TLE2: variants seen among roughly 807,000 people sequenced by gnomAD.
TLE2 encodes the protein transducin-like enhancer protein 2.
A neutral mutation model predicts 97.2 loss-of-function variants in TLE2; 74 were observed. That is an observed-to-expected ratio of 0.76 (90% CI 0.63 to 0.92). The LOEUF is 0.92. Among genes scored for constraint, TLE2 ranks in the 40% least tolerant of loss-of-function variants. TLE2 has a pLI of 0.00. For missense variants in TLE2, 1,038 were observed against 1,008.7 expected, an observed-to-expected ratio of 1.03 and a Z score of -0.39; for synonymous variants, 499 against 432.1, an observed-to-expected ratio of 1.15 and a Z score of -1.92.
At chr19:3,042,108 T>TG (rs919773929) in intron 1 of TLE2, among the ~76,000 whole-genome samples, 11 of 114,046 alleles carry the variant, frequency 9.6e-5, no homozygotes, top group African/African-American at 3.9e-4. Context: ...GCAGGGAGCG[T>TG]GGGGACCGCC....
At position 3,015,692 on chromosome 19, in the gene TLE2, C is replaced by T. The variant is rs1240481094; in HGVS notation, c.639G>A (p.Gly213=). 1 of 1,611,548 alleles carries T rather than the reference C, an allele frequency of 6.2e-7. No individual in the cohort carries two copies. The highest frequency in any genetic ancestry group is 2.2e-5 in the East Asian group (1 of 44,800). ...GCTCCTTCTCATCTGCTCTCTGCTT[C>T]CCGCCACCACCAGGGCCACTCGGTC... The part of the protein sequence containing the change: ...EERPSGPGGG[G]KQRADEKEPS... Residue 213 remains glycine (G), a synonymous_variant, in exon 9 of 20, where the codon GGG becomes GGA. Coordinates refer to ENST00000262953, the MANE Select transcript of TLE2 (RefSeq NM_003260.5).
At chr19:3,028,629 C>G in intron 2 of TLE2, 77 bp downstream of exon 2, 1 of 1,536,362 alleles carries the variant, frequency 6.5e-7, no homozygotes, top group East Asian at 2.3e-5. Flanking sequence ...CCCTCCTCCC[C>G]GCCCTATACC....
intron 1 of TLE2, among the ~76,000 whole-genome samples, chr19:3,036,393 C>G (rs1004736467): frequency 1.7e-4 from 26 of 152,240 alleles, no homozygotes; most frequent in African/African-American, 6.3e-4. Flanking sequence ...CCTGCCGGCT[C>G]CCGGCCCGGC....
intron 1 of TLE2, among the ~76,000 whole-genome samples, chr19:3,036,905 G>A (rs2090067169): frequency 6.6e-6 from 1 of 152,194 alleles, no homozygotes; most frequent in African/African-American, 2.4e-5. Context: ...CAGAGCTGGG[G>A]GTGGGAGTGG....
upstream of TLE2, among the ~76,000 whole-genome samples, chr19:3,033,365 C>T (rs568880745): frequency 4.6e-5 from 7 of 152,254 alleles, no homozygotes; most frequent in Admixed American, 3.9e-4. Context: ...GACAGGGTTT[C>T]ACCATGTTAG....
chr19:3,021,110 A>G (rs2089830283), intron 5 of TLE2, among the ~76,000 whole-genome samples: 2 of 121,028 alleles, frequency 1.7e-5, no homozygotes, highest in African/African-American at 6.1e-5. Context: ...AAAAAAAAAA[A>G]AAAAGGGGGG....
Position 3,015,929 on chromosome 19 carries a change from GTTCTCTC to G in TLE2, c.571-176_571-170del, listed in dbSNP as rs747316161. The stretch of plus-strand genomic sequence containing the variant: ...ACGGCTGACTCAGTGCTAAGGTTTT[GTTCTCTC>G]TTCTGTTTTGTTTTGTTTTTGACGG... On this transcript the variant is annotated intron_variant, in intron 8 of 19. Transcript: ENST00000262953. The G allele has an allele frequency of 1.0e-5, 7 of 696,764 alleles. No individual in the cohort carries two copies. In the South Asian group the frequency reaches 1.0e-4, roughly 10 times the overall value. 43.2% of individuals were successfully genotyped at this position (696,764 alleles called of 1,614,324 possible). A position where few individuals can be genotyped will look rare whatever the true frequency, so the allele number is the denominator to read the frequency against.
chr19:3,015,791 G>C (rs760027742), intron 8 of TLE2, 31 bp from the exon 9 acceptor site: 20 of 1,521,422 alleles, frequency 1.3e-5, no homozygotes, highest in African/African-American at 2.7e-5. Context: ...GGGGGAGAAA[G>C]GGTCAGGGCC....
intron 18 of TLE2, among the ~76,000 whole-genome samples, chr19:3,001,796 T>TC (rs2089368476): frequency 6.9e-6 from 1 of 145,218 alleles, no homozygotes; most frequent in African/African-American, 2.6e-5. Flanking sequence ...TCTTTCTTTT[T>TC]TTTTTTTTTT....
At chr19:2,998,401 C>A (rs2089273453) in intron 19 of TLE2, among the ~76,000 whole-genome samples, 1 of 151,956 alleles carries the variant, frequency 6.6e-6, no homozygotes, top group Non-Finnish European at 1.5e-5. Context: ...TCTCGAACTC[C>A]CAAGCAGCTG....
intron 19 of TLE2, among the ~76,000 whole-genome samples, chr19:2,999,147 T>G (rs1053142264): frequency 4.1e-4 from 62 of 151,710 alleles, no homozygotes; most frequent in African/African-American, 1.4e-3. Context: ...CCAGGCATGG[T>G]GGCGGGCACA....
intron 5 of TLE2, among the ~76,000 whole-genome samples, chr19:3,024,794 C>T (rs1265822406): frequency 6.6e-6 from 1 of 152,238 alleles, no homozygotes; most frequent in African/African-American, 2.4e-5. Context: ...GGGAAAACAG[C>T]CCCCAGTCCT....
intron 1 of TLE2, among the ~76,000 whole-genome samples, chr19:3,034,912 C>A (rs749024122): frequency 6.6e-6 from 1 of 152,104 alleles, no homozygotes; most frequent in Non-Finnish European, 1.5e-5. Context: ...AGCACAGGAG[C>A]GAGCTAAGGA....
chr19:3,041,014 T>TATATATACATATATATATATA (rs55998855), intron 1 of TLE2, among the ~76,000 whole-genome samples: 1 of 20,166 alleles, frequency 5.0e-5, no homozygotes, highest in African/African-American at 2.1e-4. Context: ...TATATATATA[T>TATATATACATATATATATATA]TTTTTTTTTT....
chr19:3,017,284 C>A (rs1207103703), intron 8 of TLE2, among the ~76,000 whole-genome samples: 2 of 151,340 alleles, frequency 1.3e-5, no homozygotes, highest in Non-Finnish European at 2.9e-5. Flanking sequence ...ATTACAGGCA[C>A]CCGCCGCCAC....
intron 1 of TLE2, among the ~76,000 whole-genome samples, chr19:3,041,054 T>C (rs2090099950): frequency 9.0e-6 from 1 of 111,226 alleles, no homozygotes; most frequent in Non-Finnish European, 1.8e-5. Context: ...TGAGACAGAG[T>C]CTTATTCTGT....
At chr19:3,008,594 G>A (rs962185789) in intron 14 of TLE2, among the ~76,000 whole-genome samples, 4 of 152,106 alleles carry the variant, frequency 2.6e-5, no homozygotes, top group Non-Finnish European at 5.9e-5. Context: ...GGGATTACAG[G>A]TGCCCGCCAC....
In TLE2 at chr19:2,997,823, C is replaced by T. The variant is rs370834728; in HGVS notation, c.*25G>A. ...CTGATTCCCCTGGGAGTCTGGACTT[C>T]GGGTACAGGAAGGGGGGTCATGTCT... On this transcript the variant is annotated 3_prime_UTR_variant, in exon 20 of 20. Transcript: ENST00000262953. 206 of 1,545,330 alleles carry T rather than the reference C, an allele frequency of 1.3e-4. 2 individuals are homozygous for T. The highest frequency in any genetic ancestry group is 4.7e-4 in the Admixed American group (26 of 54,910).
At position 3,014,563 on chromosome 19, in the gene TLE2, G is replaced by A. The variant is rs1372032048; in HGVS notation, c.723+7C>T. On this transcript the variant is annotated splice_region_variant and intron_variant, in intron 10 of 19. Transcript: ENST00000262953. ...AGTCGGGGAAGAGGCTGGACCCCTG[G>A]ACTCACCTCGTCCACCACCAGATTG... is the stretch of plus-strand genomic sequence containing the variant. The A allele has an allele frequency of 6.3e-7, 1 of 1,585,486 alleles. No homozygotes were observed. The highest frequency in any genetic ancestry group is 8.6e-7 in the Non-Finnish European group (1 of 1,165,772).
Sources: gnomAD v4.1 joint callset for allele counts (sites outside exome capture counted in the v4.1 genomes callset) on GRCh38, gnomAD v4.1.1 for gene constraint, MANE v1.5 for transcripts, NCBI Gene and HGNC (gene_info 2026-07-23, HGNC 2026-07-21) for gene names.